The following MAGI2 variants were observed in gnomAD, a reference collection of about 807,000 sequenced individuals.
MAGI2 encodes the protein membrane-associated guanylate kinase, WW and PDZ domain-containing protein 2.
In MAGI2, 35 loss-of-function variants were observed where a neutral mutation model predicts 133.3. That is an observed-to-expected ratio of 0.26 (90% CI 0.20 to 0.35). The LOEUF (loss-of-function observed/expected upper bound fraction) is 0.35, where lower values mean the gene tolerates loss of function less well. Among genes scored for constraint, MAGI2 ranks in the 10% least tolerant of loss-of-function variants. MAGI2 has a pLI of 1.00. For synonymous variants in MAGI2, 729 were observed against 710.6 expected (o/e 1.03, Z -0.41); for missense variants, 1,636 against 1,863.4 (o/e 0.88, Z 2.25).
At chr7:79,354,582 G>A (rs1048515679) in intron 1 of MAGI2, among the ~76,000 whole-genome samples, 1 of 152,112 alleles carries the variant, frequency 6.6e-6, no homozygotes, top group African/African-American at 2.4e-5. Context: ...GACAGATAGA[G>A]AGGAATCTTG....
chr7:79,140,135 C>T (rs2129546108), intron 1 of MAGI2, among the ~76,000 whole-genome samples: 1 of 152,214 alleles, frequency 6.6e-6, no homozygotes, highest in Middle Eastern at 3.4e-3. Flanking sequence ...TTTGATTTCC[C>T]CCAGGTTTTG....
At chr7:79,301,036 G>T (rs977537878) in intron 1 of MAGI2, among the ~76,000 whole-genome samples, 3 of 152,270 alleles carry the variant, frequency 2.0e-5, no homozygotes, top group Non-Finnish European at 4.4e-5. Context: ...CCTCCATCTA[G>T]AATTCAGAGG....
chr7:79,290,926 A>G (rs1278237117), intron 1 of MAGI2, among the ~76,000 whole-genome samples: 1 of 152,094 alleles, frequency 6.6e-6, no homozygotes, highest in East Asian at 1.9e-4. Context: ...AATCGCGGGG[A>G]TTTAAAAATA....
In MAGI2 at chr7:78,125,555, A is replaced by G. The variant is rs540757877; in HGVS notation, c.3567+139T>C. On this transcript the variant is annotated intron_variant, in intron 20 of 21. Coordinates refer to ENST00000354212, the MANE Select transcript of MAGI2 (RefSeq NM_012301.4). The stretch of plus-strand genomic sequence containing the variant: ...AAAATAGCAAGTGGCCAGACTTTTA[A>G]GAAACTGGGTCATCATCAACTAGAA... 9.4e-6 allele frequency: 7 copies of G among 743,708 alleles called. No homozygotes were observed. The African/African-American group carries it at 1.1e-4, about 11-fold the overall frequency. 46.1% of individuals were successfully genotyped at this position (743,708 alleles called of 1,614,324 possible).
chr7:79,169,909 G>A (rs991122649), intron 1 of MAGI2, among the ~76,000 whole-genome samples: 2 of 151,356 alleles, frequency 1.3e-5, no homozygotes, highest in Admixed American at 6.6e-5. Context: ...GTGCCCAGAT[G>A]CCACTCCATA....
intron 2 of MAGI2, among the ~76,000 whole-genome samples, chr7:78,956,756 G>T (rs111322736): frequency 1.3e-4 from 20 of 152,224 alleles, no homozygotes; most frequent in African/African-American, 4.8e-4. Flanking sequence ...CGTTTTTTAT[G>T]TAATACATCA....
chr7:78,404,896 G>A (rs1797237675), intron 6 of MAGI2, among the ~76,000 whole-genome samples: 1 of 152,070 alleles, frequency 6.6e-6, no homozygotes, highest in Non-Finnish European at 1.5e-5. Flanking sequence ...TACAGAATGG[G>A]AGAAAATTTT....
chr7:79,126,452 C>T (rs1019308915), intron 1 of MAGI2, among the ~76,000 whole-genome samples: 2 of 151,882 alleles, frequency 1.3e-5, no homozygotes, highest in African/African-American at 2.4e-5. Context: ...TACTCATTTA[C>T]GCTAATGGAG....
chr7:79,076,587 T>C lies in MAGI2; in HGVS notation c.302-69381A>G, dbSNP rs965862829. 3.9e-5 allele frequency among the ~76,000 whole-genome samples: 6 copies of C among 152,316 alleles called. No homozygotes were observed. The East Asian group carries it at 1.2e-3, about 29-fold the overall frequency. On this transcript the variant is annotated intron_variant, in intron 1 of 21. Coordinates refer to ENST00000354212, the MANE Select transcript of MAGI2 (RefSeq NM_012301.4). ...AAAACATTGTATCTCATGAGATAAATAGATATTGATAAATGATGTTATAAT... is the reference window on the plus strand; with the variant it reads ...AAAACATTGTATCTCATGAGATAAACAGATATTGATAAATGATGTTATAAT...
intron 6 of MAGI2, among the ~76,000 whole-genome samples, chr7:78,409,182 C>T (rs1345461762): frequency 6.6e-6 from 1 of 151,992 alleles, no homozygotes; most frequent in Non-Finnish European, 1.5e-5. Flanking sequence ...TATTTATATT[C>T]CCAACTATAT....
intron 11 of MAGI2, among the ~76,000 whole-genome samples, chr7:78,200,471 T>G (rs1287186646): frequency 3.9e-5 from 6 of 152,186 alleles, no homozygotes; most frequent in Non-Finnish European, 8.8e-5. Flanking sequence ...GGTAGAGATC[T>G]CCAGTATCTG....
At chr7:79,061,877 C>A (rs558245069) in intron 1 of MAGI2, among the ~76,000 whole-genome samples, 2 of 152,200 alleles carry the variant, frequency 1.3e-5, no homozygotes, top group African/African-American at 4.8e-5. Flanking sequence ...CAAATACCTG[C>A]TCCACCTTAT....
chr7:79,050,219 A>G (rs1812550897), intron 1 of MAGI2, among the ~76,000 whole-genome samples: 1 of 152,090 alleles, frequency 6.6e-6, no homozygotes, highest in Non-Finnish European at 1.5e-5. Context: ...GCTGGCTTGA[A>G]TTTACAAATG....
intron 3 of MAGI2, among the ~76,000 whole-genome samples, chr7:78,534,859 G>A (rs1797750084): frequency 1.3e-5 from 2 of 152,198 alleles, no homozygotes; most frequent in South Asian, 4.1e-4. Flanking sequence ...GTAAGGCCAG[G>A]TGCAGTGGCT....
chr7:78,274,428 TGAG>T (rs1267034356), intron 9 of MAGI2, among the ~76,000 whole-genome samples: 1 of 152,106 alleles, frequency 6.6e-6, no homozygotes, highest in African/African-American at 2.4e-5. Flanking sequence ...GGGACCCACT[TGAG>T]GAGGCAGTCT....
intron 2 of MAGI2, among the ~76,000 whole-genome samples, chr7:78,917,587 T>C (rs1798897755): frequency 6.6e-6 from 1 of 152,004 alleles, no homozygotes; most frequent in Non-Finnish European, 1.5e-5. Flanking sequence ...ACCAACTGAG[T>C]GTCCAATAAT....
At chr7:79,186,804 T>TAC (rs1827214630) in intron 1 of MAGI2, among the ~76,000 whole-genome samples, 3 of 147,088 alleles carry the variant, frequency 2.0e-5, no homozygotes, top group Non-Finnish European at 4.5e-5. Flanking sequence ...TATATATATA[T>TAC]AAACATAGGA....
intron 2 of MAGI2, among the ~76,000 whole-genome samples, chr7:78,883,433 C>CATTA (rs1417688068): frequency 6.6e-6 from 1 of 151,988 alleles, no homozygotes; most frequent in Admixed American, 6.6e-5. Flanking sequence ...TAACTGATAT[C>CATTA]ATTAAAATGC....
chr7:78,294,741 G>C (rs1454148312), intron 9 of MAGI2, among the ~76,000 whole-genome samples: 2 of 152,074 alleles, frequency 1.3e-5, no homozygotes, highest in Non-Finnish European at 2.9e-5. Flanking sequence ...TGTGTACTCG[G>C]TACTACGCTA....
Sources: allele counts gnomAD v4.1 joint callset (sites outside exome capture counted in the v4.1 genomes callset), GRCh38; gene constraint gnomAD v4.1.1; transcripts MANE v1.5; gene names NCBI Gene and HGNC (gene_info 2026-07-23, HGNC 2026-07-21).